Variants in SCAPER observed in about 807,000 individuals in gnomAD.
The protein encoded by SCAPER is S-phase cyclin A associated protein in the ER.
SCAPER carries 98 observed loss-of-function variants against 182.2 expected under a neutral mutation model. The ratio of observed to expected loss-of-function variants is 0.54; its 90% CI spans 0.46 to 0.64. The LOEUF (loss-of-function observed/expected upper bound fraction) is 0.64, where lower values mean the gene tolerates loss of function less well. SCAPER is among the 30% of genes least tolerant of loss of function. The probability of loss-of-function intolerance (pLI) is 0.00; values close to 1 mark genes in which losing one functional copy is unlikely to be tolerated. For synonymous variants in SCAPER, 605 were observed against 564.6 expected, an observed-to-expected ratio of 1.07 and a Z score of -1.01; for missense variants, 1,432 against 1,690.0, an observed-to-expected ratio of 0.85 and a Z score of 2.68.
intron 20 of SCAPER, among the ~76,000 whole-genome samples, chr15:76,699,742 G>A (rs2058833782): frequency 6.6e-6 from 1 of 152,204 alleles, no homozygotes; most frequent in Non-Finnish European, 1.5e-5. Flanking sequence ...ACACTTCAAT[G>A]GCGGGCGCTG....
At position 76,702,865 on chromosome 15, in the gene SCAPER, A is replaced by G. The variant is rs757511011; in HGVS notation, c.2385T>C (p.Ser795=). The G allele has an allele frequency of 7.5e-6, 12 of 1,606,528 alleles. 1 individual carries two copies. The highest frequency in any genetic ancestry group is 1.7e-4 in the Middle Eastern group (1 of 6,050). The change falls in exon 19 of 32, where the codon TCT becomes TCC. Residue 795 remains serine, a synonymous_variant. Transcript: ENST00000563290. The part of the protein sequence containing the change: ...LTPYERKKQC[S]LCNVLISSEV... The stretch of plus-strand genomic sequence containing the variant: ...AACAACCTACCAGGACATTGCAGAG[A>G]GAACACTGCTTCTTTCTTTCATAAG...
intron 24 of SCAPER, among the ~76,000 whole-genome samples, chr15:76,491,513 T>G (rs2052305599): frequency 6.6e-6 from 1 of 152,232 alleles, no homozygotes; most frequent in African/African-American, 2.4e-5. Context: ...ATGTTTATCT[T>G]TTTGAGATAG....
At chr15:76,421,378 T>C (rs2046027080) in intron 26 of SCAPER, among the ~76,000 whole-genome samples, 1 of 152,266 alleles carries the variant, frequency 6.6e-6, no homozygotes. Context: ...CCAGTGATGA[T>C]GAGCATTTTT....
At chr15:76,397,765 C>T (rs376989332) in intron 27 of SCAPER, among the ~76,000 whole-genome samples, 44 of 152,262 alleles carry the variant, frequency 2.9e-4, no homozygotes, top group African/African-American at 1.0e-3. Context: ...GTGTGAGCCA[C>T]CGCGCCCGGT....
At chr15:76,888,730 G>A (rs756075525) in intron 1 of SCAPER, among the ~76,000 whole-genome samples, 1 of 152,166 alleles carries the variant, frequency 6.6e-6, no homozygotes, top group South Asian at 2.1e-4. Context: ...TGGAGTGAAT[G>A]GAACCAAGTT....
rs1338433292 is a variant in SCAPER, at chr15:76,604,502, G to A, written c.2711+17262C>T. On this transcript the variant is annotated intron_variant, in intron 22 of 31. Transcript: ENST00000563290. ...TCTTTTGCCTTAGGATTGACTTGGC[G>A]ATGCGGGCTCTTTTTTGGTTCCATA... is the stretch of plus-strand genomic sequence containing the variant. Among the ~76,000 whole-genome samples the A allele has an allele frequency of 4.2e-5, 5 of 120,366 alleles. 2 individuals carry two copies. Among genetic ancestry groups the A allele is most frequent in the East Asian group, 2.2e-4 (1 of 4,504 alleles). 79.0% of individuals were successfully genotyped at this position (120,366 alleles called of 152,430 possible).
At chr15:76,747,441 G>A (rs1210682277) in intron 15 of SCAPER, among the ~76,000 whole-genome samples, 2 of 152,118 alleles carry the variant, frequency 1.3e-5, no homozygotes, top group Non-Finnish European at 2.9e-5. Context: ...GGCAGAGGTT[G>A]CAGTGAGCCA....
intron 5 of SCAPER, among the ~76,000 whole-genome samples, chr15:76,820,124 C>G (rs2067413819): frequency 6.6e-6 from 1 of 152,068 alleles, no homozygotes; most frequent in African/African-American, 2.4e-5. Context: ...AATAGGAACA[C>G]TTTTACACTG....
chr15:76,820,119 G>C (rs370473902), intron 5 of SCAPER, among the ~76,000 whole-genome samples: 1 of 152,072 alleles, frequency 6.6e-6, no homozygotes, highest in African/African-American at 2.4e-5. Flanking sequence ...GGAGAAATAG[G>C]AACACTTTTA....
chr15:76,533,890 C>A (rs1443622263), intron 23 of SCAPER, among the ~76,000 whole-genome samples: 2 of 152,186 alleles, frequency 1.3e-5, no homozygotes, highest in Non-Finnish European at 2.9e-5. Context: ...TGAGTTTCCA[C>A]ATTTCACTTT....
At chr15:76,728,821 T>C in intron 16 of SCAPER, 84 bp from the exon 17 acceptor site, 1 of 1,424,294 alleles carries the variant, frequency 7.0e-7, no homozygotes, top group Non-Finnish European at 9.4e-7. Flanking sequence ...TCACCAAACT[T>C]ACATGTTCAA....
rs771571958 is a variant in SCAPER at position 76,434,244 on chromosome 15, A to G, written c.3145T>C (p.Leu1049=). Residue 1049 remains leucine (L), a synonymous_variant, in exon 26 of 32, where the codon TTG becomes CTG. Coordinates refer to ENST00000563290, the MANE Select transcript of SCAPER (RefSeq NM_020843.4). ...CTGACTTTGAGAAGTCCAGTTGTCAAGCCTTCAAAAACTTGTTTATTTGTA... is the reference window on the plus strand; with the variant it reads ...CTGACTTTGAGAAGTCCAGTTGTCAGGCCTTCAAAAACTTGTTTATTTGTA... The part of the protein sequence containing the change: ...RNTNKQVFEG[L]TTGLLKVSAV... 1.9e-6 allele frequency: 3 copies of G among 1,613,922 alleles called. No homozygotes were observed. In the East Asian group the frequency reaches 6.7e-5, roughly 36 times the overall value.
Position 76,602,013 on chromosome 15 carries a change from T to A in SCAPER, c.2711+19751A>T. Among the ~76,000 whole-genome samples the A allele has an allele frequency of 1.6e-5, 2 of 121,252 alleles. 1 individual carries two copies. The highest frequency in any genetic ancestry group is 4.0e-5 in the Non-Finnish European group (2 of 49,984). 79.5% of individuals were successfully genotyped at this position (121,252 alleles called of 152,430 possible). ...TATCCTGAGAATACTACATTTTCAA[T>A]CCGTGTTTGGTTGAAAACATCTGCA... On this transcript the variant is annotated intron_variant, in intron 22 of 31. Transcript: ENST00000563290.
At chr15:76,883,695 G>T in intron 2 of SCAPER, 117 bp downstream of exon 2, 1 of 856,656 alleles carries the variant, frequency 1.2e-6, no homozygotes, top group Non-Finnish European at 1.8e-6. Flanking sequence ...TGTGCTTTAT[G>T]ACAATGTGTT....
intron 17 of SCAPER, among the ~76,000 whole-genome samples, chr15:76,717,394 T>C (rs1304914744): frequency 6.6e-6 from 1 of 152,188 alleles, no homozygotes; most frequent in East Asian, 1.9e-4. Flanking sequence ...ACTTCGAAAC[T>C]GTAAGTGTGG....
intron 1 of SCAPER, among the ~76,000 whole-genome samples, chr15:76,888,739 T>G (rs893752273): frequency 6.6e-6 from 1 of 152,198 alleles, no homozygotes; most frequent in Non-Finnish European, 1.5e-5. Context: ...TGGAACCAAG[T>G]TGGAAAACAC....
intron 26 of SCAPER, among the ~76,000 whole-genome samples, chr15:76,428,866 C>CTATATACATATATATATATA (rs2046629605): frequency 1.3e-5 from 1 of 79,954 alleles, no homozygotes; most frequent in Non-Finnish European, 2.3e-5. Context: ...GATCATTATA[C>CTATATACATATATATATATA]TATATATATA....
intron 25 of SCAPER, among the ~76,000 whole-genome samples, chr15:76,466,270 TTTTTGTTCC>T (rs1486807999): frequency 1.3e-5 from 2 of 151,922 alleles, no homozygotes; most frequent in Non-Finnish European, 2.9e-5. Flanking sequence ...ATTCTTTTTC[TTTTTGTTCC>T]TCTGGGTGGA....
chr15:76,754,788 C>A (rs1237493300), intron 14 of SCAPER, among the ~76,000 whole-genome samples: 1 of 152,030 alleles, frequency 6.6e-6, no homozygotes, highest in Non-Finnish European at 1.5e-5. Flanking sequence ...GATGACATGT[C>A]CTTAAAGCCT....
Sources: allele counts gnomAD v4.1 joint callset (sites outside exome capture counted in the v4.1 genomes callset), GRCh38; gene constraint gnomAD v4.1.1; transcripts MANE v1.5; gene names NCBI Gene and HGNC (gene_info 2026-07-23, HGNC 2026-07-21).